The following YEATS2 variants were observed in gnomAD, a reference collection of about 807,000 sequenced individuals.
YEATS2 encodes the protein YEATS domain containing 2, also known as YEATS domain-containing protein 2.
YEATS2 carries 77 observed loss-of-function variants against 163.2 expected under a neutral mutation model. The ratio of observed to expected loss-of-function variants is 0.47; its 90% CI spans 0.39 to 0.57. YEATS2 has a LOEUF of 0.57. Among genes scored for constraint, YEATS2 ranks in the 20% least tolerant of loss-of-function variants. The pLI, the probability that YEATS2 is intolerant of heterozygous loss-of-function variation, is 0.00. For synonymous variants in YEATS2, 631 were observed against 645.1 expected, an observed-to-expected ratio of 0.98 and a Z score of 0.33; for missense variants, 1,549 against 1,729.8, an observed-to-expected ratio of 0.90 and a Z score of 1.85.
At chr3:183,712,197 A>C (rs1715302518) in intron 1 of YEATS2, among the ~76,000 whole-genome samples, 1 of 143,556 alleles carries the variant, frequency 7.0e-6, no homozygotes. Context: ...CTTTTATTTT[A>C]TTTTATTTTA....
chr3:183,786,673 GCC>G (rs1724099570), intron 20 of YEATS2, among the ~76,000 whole-genome samples: 1 of 152,144 alleles, frequency 6.6e-6, no homozygotes, highest in Admixed American at 6.5e-5. Context: ...CATATAACAT[GCC>G]CTTTTGGGTC....
intron 1 of YEATS2, among the ~76,000 whole-genome samples, chr3:183,702,599 G>T (rs906510391): frequency 6.6e-6 from 1 of 152,114 alleles, no homozygotes; most frequent in African/African-American, 2.4e-5. Context: ...CACTTTGGGA[G>T]GCTGAGGCGG....
chr3:183,745,120 G>A (rs58573504), intron 8 of YEATS2, among the ~76,000 whole-genome samples: 1,810 of 152,304 alleles, frequency 0.012, 39 homozygotes, highest in African/African-American at 0.042. Flanking sequence ...AAAGTGCTGG[G>A]ATTATAGGCG....
In YEATS2 at chr3:183,756,616, T is replaced by C; in HGVS notation, c.1479T>C (p.Ser493=). ...PVHVKQGTAG[S]VINNPYVIMD... is the part of the protein sequence containing the mutation. ...ACGTGAAGCAAGGCACTGCCGGCTC[T>C]GTTATTAATAATCCTTATGTTATCA... Residue 493 remains serine (S), a synonymous_variant, in exon 12 of 31, where the codon TCT becomes TCC. Transcript: ENST00000305135. 1 of 1,606,620 alleles carries C rather than the reference T, an allele frequency of 6.2e-7. No individual in the cohort carries two copies. Among genetic ancestry groups the C allele is most frequent in the South Asian group, 1.1e-5 (1 of 88,630 alleles).
At chr3:183,807,235 T>G in intron 28 of YEATS2, 143 bp downstream of exon 28, 1 of 740,038 alleles carries the variant, frequency 1.4e-6, no homozygotes, top group Non-Finnish European at 2.2e-6. Flanking sequence ...CCGTAGATGC[T>G]TGACTTCCTT....
At chr3:183,745,347 C>T (rs1719417852) in intron 8 of YEATS2, among the ~76,000 whole-genome samples, 3 of 152,190 alleles carry the variant, frequency 2.0e-5, no homozygotes, top group Non-Finnish European at 4.4e-5. Context: ...GCTCTCAGGG[C>T]TCATTTTGAC....
intron 10 of YEATS2, among the ~76,000 whole-genome samples, chr3:183,753,234 A>T (rs1228334922): frequency 6.6e-6 from 1 of 152,206 alleles, no homozygotes; most frequent in Non-Finnish European, 1.5e-5. Context: ...CATCACCAAC[A>T]ATGTATTTTG....
At chr3:183,762,033 T>A in intron 14 of YEATS2, 64 bp from the exon 15 acceptor site, 1 of 1,604,186 alleles carries the variant, frequency 6.2e-7, no homozygotes, top group Non-Finnish European at 8.5e-7. Context: ...GAGTCAGATA[T>A]TAGCAGCTTT....
chr3:183,736,040 C>G (rs945779367), intron 7 of YEATS2, among the ~76,000 whole-genome samples: 6 of 152,062 alleles, frequency 3.9e-5, no homozygotes, highest in African/African-American at 1.4e-4. Flanking sequence ...AAGTAAAGAA[C>G]ATAATGAACC....
intron 15 of YEATS2, among the ~76,000 whole-genome samples, chr3:183,763,514 A>G (rs1721592329): frequency 1.3e-5 from 2 of 152,208 alleles, no homozygotes; most frequent in South Asian, 2.1e-4. Flanking sequence ...TACATTTTCT[A>G]TAATCCACAC....
At chr3:183,734,544 G>A (rs922453306) in intron 7 of YEATS2, among the ~76,000 whole-genome samples, 1 of 152,224 alleles carries the variant, frequency 6.6e-6, no homozygotes, top group Non-Finnish European at 1.5e-5. Flanking sequence ...TGTTCATTCC[G>A]AAAAGACTTG....
At position 183,724,547 on chromosome 3, in the gene YEATS2, A is replaced by T. The variant is rs1194455079; in HGVS notation, c.650+16A>T. The T allele has an allele frequency of 1.3e-6, 2 of 1,560,212 alleles. No individual in the cohort carries two copies. Among genetic ancestry groups the T allele is most frequent in the African/African-American group, 2.7e-5 (2 of 73,288 alleles). On this transcript the variant is annotated intron_variant, in intron 6 of 30. Transcript: ENST00000305135. ...ATGTGTCCAAGTGAGTATCCAGTTG[A>T]ATTTATTTTTATTTGTCCATTTGTG...
intron 9 of YEATS2, among the ~76,000 whole-genome samples, chr3:183,750,733 A>G (rs550155474): frequency 3.9e-5 from 6 of 152,280 alleles, no homozygotes; most frequent in African/African-American, 1.4e-4. Flanking sequence ...TCTTCTTTGG[A>G]GAAATGTCTA....
At chr3:183,729,586 A>G (rs1717495524) in intron 7 of YEATS2, among the ~76,000 whole-genome samples, 1 of 152,134 alleles carries the variant, frequency 6.6e-6, no homozygotes. Flanking sequence ...TGAATATAGT[A>G]TAGTTGTTTC....
At chr3:183,790,309 GTTTCCTTGGTCGCT>G (rs1031608133) in intron 20 of YEATS2, among the ~76,000 whole-genome samples, 15 of 152,296 alleles carry the variant, frequency 9.8e-5, no homozygotes, top group Middle Eastern at 3.4e-3. Flanking sequence ...TTAGGTGACT[GTTTCCTTGGTCGCT>G]TTTCTCTCAG....
At chr3:183,712,229 G>GTTATGTTATGTTATGTTACATT (rs1715347256) in intron 1 of YEATS2, among the ~76,000 whole-genome samples, 2 of 63,800 alleles carry the variant, frequency 3.1e-5, no homozygotes, top group African/African-American at 1.4e-4. Context: ...TTTATTTTTT[G>GTTATGTTATGTTATGTTACATT]AGACAGAGTC....
At chr3:183,720,555 A>G (rs900492906) in intron 4 of YEATS2, among the ~76,000 whole-genome samples, 22 of 152,050 alleles carry the variant, frequency 1.4e-4, no homozygotes, top group African/African-American at 5.3e-4. Flanking sequence ...GACACCTGGT[A>G]TTGGTGCTGC....
chr3:183,778,832 CT>C (rs1415262859), intron 19 of YEATS2, among the ~76,000 whole-genome samples: 2 of 151,940 alleles, frequency 1.3e-5, no homozygotes, highest in African/African-American at 4.8e-5. Context: ...TTGAATATAC[CT>C]GTAAAAGCCA....
rs781141872 is a variant in YEATS2, at chr3:183,723,167, T to C, written c.537+1031T>C. ...TATATTCTAAGATGCTTTAGTACTT[T>C]AGTAGATGGAGGAAATTTGACAAAT... On this transcript the variant is annotated intron_variant, in intron 5 of 30. Transcript: ENST00000305135. Among the ~76,000 whole-genome samples, 8 of 152,258 alleles carry C rather than the reference T, an allele frequency of 5.3e-5. No homozygotes were observed. In the East Asian group the frequency reaches 5.8e-4, roughly 11 times the overall value.
Sources: gnomAD v4.1 joint callset for allele counts (sites outside exome capture counted in the v4.1 genomes callset) on GRCh38, gnomAD v4.1.1 for gene constraint, MANE v1.5 for transcripts, NCBI Gene and HGNC (gene_info 2026-07-23, HGNC 2026-07-21) for gene names.